Variants in YWHAE observed in about 807,000 individuals in gnomAD.
YWHAE encodes tyrosine 3-monooxygenase/tryptophan 5-monooxygenase activation protein epsilon.
Under a neutral mutation model 30.1 loss-of-function variants are expected in YWHAE, and 4 were observed. The ratio of observed to expected loss-of-function variants is 0.13; its 90% CI spans 0.07 to 0.30. The LOEUF is 0.30. Among genes scored for constraint, YWHAE ranks in the 10% least tolerant of loss-of-function variants. The pLI is 1.00. For missense variants in YWHAE, 121 were observed against 315.9 expected (o/e 0.38, Z 4.68); for synonymous variants, 118 against 111.8 (o/e 1.06, Z -0.35).
chr17:1,348,074 C>A, intron 5 of YWHAE: 1 of 851,014 alleles, frequency 1.2e-6, no homozygotes, highest in Non-Finnish European at 1.4e-6. Context: ...AAAAATAAAC[C>A]AACAGAGCAG....
chr17:1,396,031 A>G (rs2073466369), intron 1 of YWHAE, among the ~76,000 whole-genome samples: 1 of 152,198 alleles, frequency 6.6e-6, no homozygotes, highest in Non-Finnish European at 1.5e-5. Flanking sequence ...AGGCAGGAGA[A>G]TCGCTTGAAC....
chr17:1,354,434 G>A (rs1400079815), intron 4 of YWHAE, 87 bp from the exon 5 acceptor site: 1 of 1,322,090 alleles, frequency 7.6e-7, no homozygotes, highest in Non-Finnish European at 1.0e-6. Flanking sequence ...CTTTTCTTCA[G>A]TTATTCCAGT....
chr17:1,370,464 T>C (rs2073021882), intron 1 of YWHAE, among the ~76,000 whole-genome samples: 1 of 151,284 alleles, frequency 6.6e-6, no homozygotes, highest in African/African-American at 2.4e-5. Context: ...TTTGAGACAG[T>C]GTCTTGCTCT....
chr17:1,370,165 T>TC (rs1555642575), intron 1 of YWHAE, among the ~76,000 whole-genome samples: 6 of 134,654 alleles, frequency 4.5e-5, no homozygotes, highest in East Asian at 2.4e-4. Context: ...TCTCGCTCTG[T>TC]CACCAGGCTG....
chr17:1,383,826 T>C (rs1260472535), intron 1 of YWHAE, among the ~76,000 whole-genome samples: 1 of 152,114 alleles, frequency 6.6e-6, no homozygotes, highest in Admixed American at 6.6e-5. Flanking sequence ...TTTGGGAGGC[T>C]GAGGTGGGAA....
At chr17:1,345,558 CACAA>C (rs1199412115) in intron 5 of YWHAE, 59 bp from the exon 6 acceptor site, 71 of 1,562,388 alleles carry the variant, frequency 4.5e-5, no homozygotes, top group Middle Eastern at 3.3e-4. Flanking sequence ...CTATGGCAGC[CACAA>C]ACAAAGGTGT....
intron 1 of YWHAE, among the ~76,000 whole-genome samples, chr17:1,387,298 G>A (rs912221363): frequency 1.3e-5 from 2 of 152,116 alleles, no homozygotes; most frequent in African/African-American, 2.4e-5. Flanking sequence ...AAACACGTTC[G>A]GCTGCAGTAG....
At chr17:1,379,970 C>T (rs1219644006) in intron 1 of YWHAE, among the ~76,000 whole-genome samples, 2 of 152,108 alleles carry the variant, frequency 1.3e-5, no homozygotes, top group Non-Finnish European at 2.9e-5. Flanking sequence ...CTAACTTTGA[C>T]TATTATTGTA....
In YWHAE at chr17:1,366,773, C is replaced by A. The variant is rs569464636; in HGVS notation, c.65-1715G>T. Among the ~76,000 whole-genome samples the A allele has an allele frequency of 2.2e-4, 34 of 152,064 alleles. 1 individual carries two copies. Among genetic ancestry groups the A allele is most frequent in the African/African-American group, 8.2e-4 (34 of 41,498 alleles). On this transcript the variant is annotated intron_variant, in intron 1 of 5. Coordinates refer to ENST00000264335, the MANE Select transcript of YWHAE (RefSeq NM_006761.5). ...GCCTGGCCAACATGGTGAAACCCGT[C>A]TCTACTAAAAATACAAAAATTAGCT...
At chr17:1,376,529 T>A (rs2073127708) in intron 1 of YWHAE, among the ~76,000 whole-genome samples, 1 of 149,172 alleles carries the variant, frequency 6.7e-6, no homozygotes, top group South Asian at 2.1e-4. Flanking sequence ...GACGGGAGTC[T>A]TTGTATGTTG....
chr17:1,399,651 C>G, intron 1 of YWHAE: 1 of 299,852 alleles, frequency 3.3e-6, no homozygotes. Flanking sequence ...CTGCTTCCCC[C>G]GTCACCCCAC....
At chr17:1,353,226 TAGG>T (rs2150840467) in intron 5 of YWHAE, among the ~76,000 whole-genome samples, 1 of 148,448 alleles carries the variant, frequency 6.7e-6, no homozygotes, top group African/African-American at 2.5e-5. Context: ...ATCACAAGGT[TAGG>T]AGATCGAGGC....
At chr17:1,352,825 C>G (rs1283237746) in intron 5 of YWHAE, among the ~76,000 whole-genome samples, 1 of 152,004 alleles carries the variant, frequency 6.6e-6, no homozygotes, top group African/African-American at 2.4e-5. Flanking sequence ...GCGCCCGGCA[C>G]AGCCTTAGAA....
At chr17:1,368,729 A>G (rs945173005) in intron 1 of YWHAE, among the ~76,000 whole-genome samples, 20 of 152,210 alleles carry the variant, frequency 1.3e-4, no homozygotes, top group African/African-American at 4.6e-4. Context: ...GTACCTCCAT[A>G]CTAGTTTAAT....
At chr17:1,364,809 C>T in intron 2 of YWHAE, 50 bp downstream of exon 2, 1 of 1,607,604 alleles carries the variant, frequency 6.2e-7, no homozygotes, top group Non-Finnish European at 8.5e-7. Flanking sequence ...TACCGTCCTA[C>T]AGGTAACTCA....
At chr17:1,388,700 C>A (rs1338923549) in intron 1 of YWHAE, among the ~76,000 whole-genome samples, 7 of 151,158 alleles carry the variant, frequency 4.6e-5, no homozygotes, top group Non-Finnish European at 8.8e-5. Flanking sequence ...TATGTCAATT[C>A]TTTGATGAGC....
At chr17:1,379,096 T>C (rs2073167266) in intron 1 of YWHAE, among the ~76,000 whole-genome samples, 1 of 152,254 alleles carries the variant, frequency 6.6e-6, no homozygotes, top group African/African-American at 2.4e-5. Context: ...ATTCAGCTGC[T>C]TGAAGCCTGC....
intron 1 of YWHAE, among the ~76,000 whole-genome samples, chr17:1,391,059 C>A (rs1216886265): frequency 6.6e-6 from 1 of 151,174 alleles, no homozygotes; most frequent in Non-Finnish European, 1.5e-5. Flanking sequence ...GACACTGCTA[C>A]CAACACCTAG....
intron 1 of YWHAE, among the ~76,000 whole-genome samples, chr17:1,393,945 C>T (rs2073426186): frequency 6.6e-6 from 1 of 152,104 alleles, no homozygotes; most frequent in African/African-American, 2.4e-5. Context: ...ATTTTGTCTA[C>T]AATTCACCAT....
Sources: gnomAD v4.1 joint callset for allele counts (sites outside exome capture counted in the v4.1 genomes callset) on GRCh38, gnomAD v4.1.1 for gene constraint, MANE v1.5 for transcripts, NCBI Gene and HGNC (gene_info 2026-07-23, HGNC 2026-07-21) for gene names.